The following CPNE2 variants were observed in gnomAD, a reference collection of about 807,000 sequenced individuals.
The protein encoded by CPNE2 is copine-2.
Under a neutral mutation model 69.7 loss-of-function variants are expected in CPNE2, and 42 were observed. The ratio of observed to expected loss-of-function variants is 0.60; its 90% CI spans 0.47 to 0.78. The LOEUF (loss-of-function observed/expected upper bound fraction) is 0.78, where lower values mean the gene tolerates loss of function less well. CPNE2 is among the 30% of genes least tolerant of loss of function. The pLI is 0.00. For missense variants in CPNE2, 587 were observed against 732.0 expected (o/e 0.80, Z 2.29); for synonymous variants, 294 against 289.8 (o/e 1.01, Z -0.15).
In CPNE2 at chr16:57,121,137, C is replaced by G. The variant is rs144170145; in HGVS notation, c.726C>G (p.Ile242Met). 6.2e-7 allele frequency: 1 copy of G among 1,613,994 alleles called. No homozygotes were observed. ...DYDNDGGHDF[I>M]GEFQTSVSQM... ...ACAATGACGGGGGCCATGACTTCATCGGCGAGTTCCAGACCTCAGTGTCAC... is the reference window on the plus strand; with the variant it reads ...ACAATGACGGGGGCCATGACTTCATGGGCGAGTTCCAGACCTCAGTGTCAC... Residue 242 changes from isoleucine to methionine, a missense_variant, in exon 8 of 16, where the codon ATC becomes ATG. By Grantham distance (10) the Ile-to-Met change is conservative. This residue lies in a region of CPNE2 where 269 missense variants were observed against 300.5 expected (regional missense o/e 0.90). Transcript: ENST00000290776.
chr16:57,099,775 A>ATTTT (rs776284229), intron 1 of CPNE2, among the ~76,000 whole-genome samples: 1 of 101,410 alleles, frequency 9.9e-6, no homozygotes, highest in Non-Finnish European at 2.0e-5. Flanking sequence ...CTAATTTTTG[A>ATTTT]TTTTTTTTTT....
intron 1 of CPNE2, among the ~76,000 whole-genome samples, chr16:57,103,058 C>T (rs879906389): frequency 6.6e-6 from 1 of 152,112 alleles, no homozygotes; most frequent in Admixed American, 6.5e-5. Flanking sequence ...TGGTACTGAC[C>T]GTGACCAGGC....
At chr16:57,140,678 A>C (rs1338890292) in intron 14 of CPNE2, among the ~76,000 whole-genome samples, 4 of 150,540 alleles carry the variant, frequency 2.7e-5, no homozygotes, top group Admixed American at 2.7e-4. Flanking sequence ...AATTCTCCTG[A>C]CTCAACCTCC....
rs1240787839 is a variant in CPNE2, at chr16:57,130,716, C to T, written c.1116+2813C>T. On this transcript the variant is annotated intron_variant, in intron 12 of 15. Transcript: ENST00000290776. The surrounding 1 kb of genome is among the most constrained non-coding windows in gnomAD (Gnocchi z 4.1). ...AAGGCTGAGAAGAGACCATCCGTTTCACTGACCATGGCTGGGGCCATTATG... is the reference window on the plus strand; with the variant it reads ...AAGGCTGAGAAGAGACCATCCGTTTTACTGACCATGGCTGGGGCCATTATG... Among the ~76,000 whole-genome samples the T allele has an allele frequency of 6.6e-6, 1 of 152,054 alleles. No individual in the cohort carries two copies. The highest frequency in any genetic ancestry group is 1.5e-5 in the Non-Finnish European group (1 of 68,032).
intron 10 of CPNE2, chr16:57,125,382 G>T: frequency 2.2e-6 from 1 of 456,124 alleles, no homozygotes; most frequent in South Asian, 1.5e-5. Context: ...CCCCTTGGTG[G>T]TCTGAGGGAT....
intron 12 of CPNE2, among the ~76,000 whole-genome samples, chr16:57,134,516 C>A (rs1412831777): frequency 6.6e-6 from 1 of 152,126 alleles, no homozygotes; most frequent in Admixed American, 6.5e-5. Context: ...CAGCCCCAGT[C>A]CCCAGAAGAG....
intron 3 of CPNE2, 98 bp from the exon 4 acceptor site, chr16:57,115,378 G>C: frequency 2.0e-6 from 2 of 977,182 alleles, no homozygotes; most frequent in Middle Eastern, 2.1e-4. Context: ...GCGGGGTGCA[G>C]CCCTGCCAAG....
chr16:57,098,562 G>A (rs2069593246), intron 1 of CPNE2, among the ~76,000 whole-genome samples: 1 of 152,228 alleles, frequency 6.6e-6, no homozygotes, highest in Non-Finnish European at 1.5e-5. Flanking sequence ...TGGCTGGAAA[G>A]TGGGGCCAGA....
At chr16:57,125,637 T>G (rs1473203641) in intron 10 of CPNE2, 12 of 585,022 alleles carry the variant, frequency 2.1e-5, no homozygotes, top group Non-Finnish European at 3.6e-5. Flanking sequence ...TCATCACATC[T>G]AGGCAGTGGA....
rs1367968567 is a variant in CPNE2 at position 57,147,763 on chromosome 16, C to T, written c.*105C>T. On this transcript the variant is annotated 3_prime_UTR_variant, in exon 16 of 16. Coordinates refer to ENST00000290776, the MANE Select transcript of CPNE2 (RefSeq NM_152727.6). ...TGGGTGGCCTTTTTTTACCGATCCC[C>T]TTTTTTATTTTTTACAACCGGACCT... 4 of 671,756 alleles carry T rather than the reference C, an allele frequency of 6.0e-6. No homozygotes were observed. The highest frequency in any genetic ancestry group is 3.8e-5 in the Admixed American group (1 of 26,416). 41.6% of individuals were successfully genotyped at this position (671,756 alleles called of 1,614,324 possible).
chr16:57,115,581 C>A (rs200813420), intron 4 of CPNE2, 31 bp downstream of exon 4: 9 of 1,519,960 alleles, frequency 5.9e-6, no homozygotes, highest in Non-Finnish European at 8.2e-6. Context: ...CTCCGCACCC[C>A]CTCCATCCCC....
chr16:57,107,650 C>T (rs1246032671), intron 1 of CPNE2, among the ~76,000 whole-genome samples: 1 of 152,196 alleles, frequency 6.6e-6, no homozygotes, highest in African/African-American at 2.4e-5. Flanking sequence ...AGCTTGACAA[C>T]CCCTTCTCCC....
chr16:57,101,445 G>A (rs1346560399), intron 1 of CPNE2, among the ~76,000 whole-genome samples: 3 of 152,144 alleles, frequency 2.0e-5, no homozygotes, highest in Admixed American at 2.0e-4. Flanking sequence ...GTAGGGAATG[G>A]GTGTCTTGTT....
At chr16:57,125,761 G>T in intron 10 of CPNE2, 99 bp from the exon 11 acceptor site, 2 of 1,446,388 alleles carry the variant, frequency 1.4e-6, no homozygotes, top group South Asian at 1.3e-5. Flanking sequence ...GGAGATGAGT[G>T]GGCTTCCCAT....
chr16:57,121,653 T>C, intron 8 of CPNE2, 21 bp from the exon 9 acceptor site: 1 of 1,613,002 alleles, frequency 6.2e-7, no homozygotes, highest in Non-Finnish European at 8.5e-7. Flanking sequence ...GGTGAGTGTC[T>C]CTTTCTTTTG....
chr16:57,132,521 A>AACTCAGCCAGGGCCACAGGGAACTG (rs2069844862), intron 12 of CPNE2, among the ~76,000 whole-genome samples: 1 of 152,174 alleles, frequency 6.6e-6, no homozygotes, highest in Non-Finnish European at 1.5e-5. Flanking sequence ...ACTGAGCCTG[A>AACTCAGCCAGGGCCACAGGGAACTG]AGTAACTCCC....
chr16:57,094,229 T>A (rs2069563886), intron 1 of CPNE2: 1 of 381,822 alleles, frequency 2.6e-6, no homozygotes, highest in East Asian at 8.0e-5. Flanking sequence ...GCGTGCCTTG[T>A]CACCCCTTGG....
intron 7 of CPNE2, among the ~76,000 whole-genome samples, chr16:57,120,101 C>G (rs2069750330): frequency 6.6e-6 from 1 of 151,852 alleles, no homozygotes; most frequent in Admixed American, 6.6e-5. Flanking sequence ...GGGAAAACCC[C>G]ATCTCTACTA....
intron 13 of CPNE2, 32 bp downstream of exon 13, chr16:57,134,858 T>A: frequency 6.2e-7 from 1 of 1,612,408 alleles, no homozygotes; most frequent in Non-Finnish European, 8.5e-7. Context: ...AGCTGCCCTG[T>A]GTTTGCTACG....
Sources: allele counts gnomAD v4.1 joint callset (sites outside exome capture counted in the v4.1 genomes callset), GRCh38; gene constraint gnomAD v4.1.1; regional missense constraint gnomAD v4.1.1; non-coding constraint Gnocchi (gnomAD v3.1); transcripts MANE v1.5; gene names NCBI Gene and HGNC (gene_info 2026-07-23, HGNC 2026-07-21).